GRIP1: variants seen among roughly 807,000 people sequenced by gnomAD.
GRIP1 encodes the protein glutamate receptor interacting protein 1, also known as glutamate receptor-interacting protein 1.
Under a neutral mutation model 129.9 loss-of-function variants are expected in GRIP1, and 45 were observed. The ratio of observed to expected loss-of-function variants is 0.35; its 90% confidence interval spans 0.27 to 0.44. The LOEUF is 0.44. Ranked by LOEUF, GRIP1 falls within the 20% of genes least tolerant of loss-of-function variation. The pLI, the probability that GRIP1 is intolerant of heterozygous loss-of-function variation, is 1.00. For synonymous variants in GRIP1, 530 were observed against 520.8 expected (o/e 1.02, Z -0.24); for missense variants, 1,196 against 1,396.8 (o/e 0.86, Z 2.29).
At chr12:66,632,503 T>C (rs185223248) in intron 1 of GRIP1, among the ~76,000 whole-genome samples, 2 of 152,284 alleles carry the variant, frequency 1.3e-5, no homozygotes, top group African/African-American at 4.8e-5. Flanking sequence ...CTTTTTCCCA[T>C]GCTTCCTTCC....
chr12:66,401,607 T>TATATATATATATATATATATAC (rs2056997959), intron 16 of GRIP1, among the ~76,000 whole-genome samples: 4 of 121,342 alleles, frequency 3.3e-5, no homozygotes, highest in Admixed American at 1.7e-4. Flanking sequence ...TGTATATATA[T>TATATATATATATATATATATAC]ATACACACAC....
At chr12:66,892,893 G>A (rs1374841571) in intron 1 of GRIP1, among the ~76,000 whole-genome samples, 1 of 152,146 alleles carries the variant, frequency 6.6e-6, no homozygotes, top group Non-Finnish European at 1.5e-5. Flanking sequence ...CTGGAGCCTA[G>A]GAGGTCAAGG....
intron 1 of GRIP1, among the ~76,000 whole-genome samples, chr12:66,823,884 A>G (rs923579064): frequency 6.6e-6 from 1 of 152,168 alleles, no homozygotes; most frequent in African/African-American, 2.4e-5. Flanking sequence ...ATTCTTATCA[A>G]TTGAACAAGA....
intron 14 of GRIP1, among the ~76,000 whole-genome samples, chr12:66,425,032 G>A (rs1386896610): frequency 6.6e-6 from 1 of 151,960 alleles, no homozygotes; most frequent in Non-Finnish European, 1.5e-5. Context: ...ACTCTTGGTG[G>A]TGCACATTCT....
chr12:66,538,493 G>A (rs1407819289), intron 4 of GRIP1, among the ~76,000 whole-genome samples: 1 of 152,100 alleles, frequency 6.6e-6, no homozygotes, highest in Non-Finnish European at 1.5e-5. Flanking sequence ...ACCATGCCTA[G>A]CCCTTGCAGT....
At chr12:66,918,521 C>G (rs1452058816) in intron 1 of GRIP1, among the ~76,000 whole-genome samples, 1 of 152,186 alleles carries the variant, frequency 6.6e-6, no homozygotes, top group East Asian at 1.9e-4. Context: ...ATCACCCCAA[C>G]CAATGATATT....
intron 1 of GRIP1, among the ~76,000 whole-genome samples, chr12:66,708,923 G>A (rs911310904): frequency 1.5e-4 from 23 of 151,598 alleles, no homozygotes; most frequent in South Asian, 4.2e-4. Context: ...AAGTTGACAC[G>A]AAAGAAACAT....
intron 1 of GRIP1, among the ~76,000 whole-genome samples, chr12:66,956,553 T>C (rs2041844357): frequency 6.6e-6 from 1 of 152,198 alleles, no homozygotes; most frequent in Admixed American, 6.5e-5. Flanking sequence ...CTCCACCTCT[T>C]GGAAAGAGGC....
intron 13 of GRIP1, 146 bp downstream of exon 13, chr12:66,444,438 A>T: frequency 3.1e-6 from 2 of 643,082 alleles, no homozygotes; most frequent in Non-Finnish European, 5.2e-6. Context: ...GTGAGCCGAG[A>T]TTGCGCCACT....
intron 1 of GRIP1, among the ~76,000 whole-genome samples, chr12:66,727,436 T>G (rs1395671927): frequency 6.6e-6 from 1 of 152,154 alleles, no homozygotes; most frequent in African/African-American, 2.4e-5. Context: ...AGTGGAGGAA[T>G]ATGAACTGGG....
At chr12:66,866,978 T>C (rs1388397123) in intron 1 of GRIP1, among the ~76,000 whole-genome samples, 1 of 152,142 alleles carries the variant, frequency 6.6e-6, no homozygotes, top group Admixed American at 6.6e-5. Flanking sequence ...AGTTATTTCA[T>C]ATTGTATATT....
chr12:66,915,567 C>T (rs188604958), intron 1 of GRIP1, among the ~76,000 whole-genome samples: 6 of 152,322 alleles, frequency 3.9e-5, no homozygotes, highest in South Asian at 2.1e-4. Context: ...GTGACGGAAT[C>T]GACACTGCTG....
rs34277777 is a variant in GRIP1 at position 66,410,477 on chromosome 12, C to CAA, written c.1839-4051_1839-4050dup. Reference sequence around the variant, plus strand: ...TGAAAGCCCGTCTCTACTAAAAATACAAAAAAAAAAAAAAAAATAGCTGGG... The same window carrying CAA: ...TGAAAGCCCGTCTCTACTAAAAATACAAAAAAAAAAAAAAAAAAATAGCTGGG... On this transcript the variant is annotated intron_variant, in intron 15 of 24. Coordinates refer to ENST00000359742, the MANE Select transcript of GRIP1 (RefSeq NM_001366722.1). 2.1e-4 allele frequency among the ~76,000 whole-genome samples: 28 copies of CAA among 132,708 alleles called. 1 individual carries two copies. The East Asian group carries it at 3.6e-3, about 17-fold the overall frequency. 87.1% of individuals were successfully genotyped at this position (132,708 alleles called of 152,430 possible).
intron 1 of GRIP1, among the ~76,000 whole-genome samples, chr12:67,061,079 A>C (rs1223676197): frequency 1.3e-5 from 2 of 152,218 alleles, no homozygotes; most frequent in Non-Finnish European, 2.9e-5. Context: ...ATGCATTGTA[A>C]CTTTGTTGCA....
At chr12:66,544,663 G>A (rs182025064) in intron 2 of GRIP1, among the ~76,000 whole-genome samples, 16 of 152,236 alleles carry the variant, frequency 1.1e-4, no homozygotes, top group South Asian at 4.1e-4. Flanking sequence ...TTGCTGAATC[G>A]CAAGAATGGT....
At chr12:66,374,768 T>A (rs888479856) in intron 22 of GRIP1, among the ~76,000 whole-genome samples, 4 of 152,196 alleles carry the variant, frequency 2.6e-5, no homozygotes, top group Admixed American at 6.5e-5. Context: ...TAAGATACTA[T>A]CACTAATTCT....
chr12:66,354,225 A>C, intron 23 of GRIP1, among the ~76,000 whole-genome samples: 1 of 151,422 alleles, frequency 6.6e-6, no homozygotes, highest in African/African-American at 2.4e-5. Flanking sequence ...CCTGCCCCCC[A>C]CCCCGGGTCT....
chr12:66,896,480 G>GAAGAAAAAAAAAA (rs1555249918), intron 1 of GRIP1, among the ~76,000 whole-genome samples: 4 of 107,870 alleles, frequency 3.7e-5, no homozygotes, highest in African/African-American at 1.2e-4. Context: ...TGAGGAATTT[G>GAAGAAAAAAAAAA]AAAAAAAAAA....
chr12:66,982,070 C>T (rs1306270991), intron 1 of GRIP1, among the ~76,000 whole-genome samples: 1 of 152,162 alleles, frequency 6.6e-6, no homozygotes, highest in Non-Finnish European at 1.5e-5. Flanking sequence ...TACTATCTTA[C>T]CTCATTTAAT....
Sources: allele counts gnomAD v4.1 joint callset (sites outside exome capture counted in the v4.1 genomes callset), GRCh38; gene constraint gnomAD v4.1.1; transcripts MANE v1.5; gene names NCBI Gene and HGNC (gene_info 2026-07-23, HGNC 2026-07-21).